The following ESR1 variants were observed in gnomAD, a reference collection of about 807,000 sequenced individuals.
ESR1 encodes the protein estrogen receptor 1, also known as estrogen receptor.
Under a neutral mutation model 52.7 loss-of-function variants are expected in ESR1, and 12 were observed. That is an observed-to-expected ratio of 0.23 (90% confidence interval 0.15 to 0.37). The LOEUF is 0.37. ESR1 is among the 10% of genes least tolerant of loss of function. ESR1 has a pLI of 1.00. For missense variants in ESR1, 584 were observed against 779.7 expected (o/e 0.75, Z 2.99); for synonymous variants, 305 against 316.8 (o/e 0.96, Z 0.39).
intron 2 of ESR1, among the ~76,000 whole-genome samples, chr6:151,874,012 C>T (rs1791409352): frequency 6.6e-6 from 1 of 152,162 alleles, no homozygotes; most frequent in South Asian, 2.1e-4. Context: ...TTTTGTCGGA[C>T]TCCTCCAATG....
chr6:151,858,133 C>G (rs1788204452), intron 2 of ESR1, among the ~76,000 whole-genome samples: 1 of 152,160 alleles, frequency 6.6e-6, no homozygotes, highest in South Asian at 2.1e-4. Context: ...AATTTGCACT[C>G]AAGTTCAGCT....
rs548645944 is a variant in ESR1, at chr6:151,983,788, A to G, written c.1097-27868A>G. ...CTCTTTTACTTGAATACCTGGGGCA[A>G]TGGCAGAAGTGGTTGCTATTTGTCA... On this transcript the variant is annotated intron_variant, in intron 4 of 7. Transcript: ENST00000206249. Among the ~76,000 whole-genome samples, 7 of 152,170 alleles carry G rather than the reference A, an allele frequency of 4.6e-5. No homozygotes were observed. The East Asian group carries it at 7.7e-4, about 17-fold the overall frequency.
At chr6:151,959,510 TG>T (rs1339190233) in intron 4 of ESR1, among the ~76,000 whole-genome samples, 1 of 152,194 alleles carries the variant, frequency 6.6e-6, no homozygotes, top group Non-Finnish European at 1.5e-5. Context: ...TATATGTCAC[TG>T]AAGAGTCCCC....
At chr6:151,690,472 T>C (rs1346221194), upstream of ESR1, 1 of 152,216 alleles carries the variant, frequency 6.6e-6, no homozygotes, top group African/African-American at 2.4e-5. Flanking sequence ...TCTTTATTTT[T>C]GAGTTACTGC....
chr6:151,999,138 G>T lies in ESR1; in HGVS notation c.1097-12518G>T, dbSNP rs547404302. On this transcript the variant is annotated intron_variant, in intron 4 of 7. Transcript: ENST00000206249. ...CAAATCTTTACAAGGGATTTGAAAG[G>T]CAAGAAACATGTATTTTGGAGGTTT... 3.9e-5 allele frequency among the ~76,000 whole-genome samples: 6 copies of T among 152,134 alleles called. No individual in the cohort carries two copies. In the South Asian group the frequency reaches 6.2e-4, roughly 16 times the overall value.
rs1407565131 is a variant in ESR1, at chr6:152,061,583, G to C, written c.1369+459G>C. ...ACTAGCTAAAAATATAGTTGGCTTA[G>C]AGATAGAAAAACCTGTTTCTAAAAC... On this transcript the variant is annotated intron_variant, in intron 6 of 7. Transcript: ENST00000206249. This position sits in a 1 kb window ranked among gnomAD's most constrained non-coding sequence, Gnocchi z 4.3. 1.3e-5 allele frequency among the ~76,000 whole-genome samples: 2 copies of C among 152,186 alleles called. No homozygotes were observed. Among genetic ancestry groups the C allele is most frequent in the Admixed American group, 1.3e-4 (2 of 15,272 alleles).
At chr6:151,860,428 A>T (rs1788662343) in intron 2 of ESR1, among the ~76,000 whole-genome samples, 1 of 152,184 alleles carries the variant, frequency 6.6e-6, no homozygotes, top group South Asian at 2.1e-4. Context: ...TTTCTCCACT[A>T]TTCCATGCCT....
intron 2 of ESR1, among the ~76,000 whole-genome samples, chr6:151,779,562 A>G (rs1368814488): frequency 6.6e-6 from 1 of 152,138 alleles, no homozygotes; most frequent in African/African-American, 2.4e-5. Flanking sequence ...ATAGGAACAC[A>G]TATACTGTTG....
chr6:151,916,482 A>T (rs2030222313), intron 3 of ESR1, among the ~76,000 whole-genome samples: 1 of 152,210 alleles, frequency 6.6e-6, no homozygotes, highest in Admixed American at 6.5e-5. Flanking sequence ...TATTTCAGAG[A>T]GAAATTCTCT....
intron 6 of ESR1, among the ~76,000 whole-genome samples, chr6:152,115,899 C>T (rs1456746476): frequency 1.3e-5 from 2 of 152,120 alleles, no homozygotes; most frequent in Non-Finnish European, 1.5e-5. Flanking sequence ...ACCTGGGAAT[C>T]GCCTGGGGAC....
At chr6:151,668,498 T>C (rs1015798175) in intron 1 of ESR1, among the ~76,000 whole-genome samples, 1 of 152,166 alleles carries the variant, frequency 6.6e-6, no homozygotes, top group Non-Finnish European at 1.5e-5. Flanking sequence ...TTAGCCAGGA[T>C]GGTCTTGATC....
chr6:152,084,421 T>TA (rs112260689), intron 6 of ESR1, among the ~76,000 whole-genome samples: 32,231 of 143,766 alleles, frequency 0.22, 4,564 homozygotes, highest in African/African-American at 0.4. Context: ...TAAAGTATAA[T>TA]AAAAAAAAAA....
chr6:151,793,935 A>G (rs1183606577), intron 2 of ESR1, among the ~76,000 whole-genome samples: 1 of 152,266 alleles, frequency 6.6e-6, no homozygotes, highest in East Asian at 1.9e-4. Context: ...ATGTACTTGC[A>G]ATATAAAAAC....
At chr6:151,658,210 G>A (rs1163369024) in intron 1 of ESR1, among the ~76,000 whole-genome samples, 2 of 152,194 alleles carry the variant, frequency 1.3e-5, no homozygotes, top group Non-Finnish European at 2.9e-5. Flanking sequence ...CTGATTATGG[G>A]ATGATGAAAT....
intron 4 of ESR1, among the ~76,000 whole-genome samples, chr6:151,997,015 A>G (rs575051670): frequency 1.3e-5 from 2 of 152,168 alleles, no homozygotes; most frequent in South Asian, 2.1e-4. Flanking sequence ...AAATGGGGCA[A>G]TAAGAACCAA....
At chr6:151,771,573 A>G (rs987698622) in intron 2 of ESR1, among the ~76,000 whole-genome samples, 7 of 152,262 alleles carry the variant, frequency 4.6e-5, no homozygotes, top group African/African-American at 1.4e-4. Context: ...AATGACATGA[A>G]GAAAGTCCTT....
intron 1 of ESR1, among the ~76,000 whole-genome samples, chr6:151,662,496 G>A (rs1777671983): frequency 6.6e-6 from 1 of 152,196 alleles, no homozygotes. Flanking sequence ...TCAAAGCCAG[G>A]TTTGTCTGGG....
At chr6:151,876,974 A>C (rs537553438) in intron 2 of ESR1, among the ~76,000 whole-genome samples, 53 of 151,732 alleles carry the variant, frequency 3.5e-4, no homozygotes, top group South Asian at 2.3e-3. Context: ...GTTAAAAAAA[A>C]ACACACACAC....
chr6:151,951,068 A>T (rs909496527), intron 4 of ESR1, among the ~76,000 whole-genome samples: 3 of 152,112 alleles, frequency 2.0e-5, no homozygotes, highest in African/African-American at 7.2e-5. Context: ...GAGTTTACAC[A>T]TCAGAAGTTA....
Sources: allele counts gnomAD v4.1 joint callset (sites outside exome capture counted in the v4.1 genomes callset), GRCh38; gene constraint gnomAD v4.1.1; non-coding constraint Gnocchi (gnomAD v3.1); transcripts MANE v1.5; gene names NCBI Gene and HGNC (gene_info 2026-07-23, HGNC 2026-07-21).